The following SLC26A5 variants were observed in gnomAD, a reference collection of about 807,000 sequenced individuals.
The protein encoded by SLC26A5 is solute carrier family 26 member 5.
SLC26A5 carries 51 observed loss-of-function variants against 81.0 expected under a neutral mutation model. The observed-to-expected ratio is 0.63, with a 90% confidence interval of 0.50 to 0.80. The LOEUF (loss-of-function observed/expected upper bound fraction) is 0.80. SLC26A5 is among the 30% of genes least tolerant of loss of function. The pLI is 0.00. For synonymous variants in SLC26A5, 325 were observed against 332.8 expected, an observed-to-expected ratio of 0.98 and a Z score of 0.25; for missense variants, 771 against 905.8, an observed-to-expected ratio of 0.85 and a Z score of 1.91.
chr7:103,421,607 T>A, intron 2 of SLC26A5, 40 bp from the exon 3 acceptor site: 1 of 1,369,532 alleles, frequency 7.3e-7, no homozygotes, highest in Non-Finnish European at 1.0e-6. Flanking sequence ...CTTGCCAAAA[T>A]CCTACTGATG....
intron 2 of SLC26A5, among the ~76,000 whole-genome samples, chr7:103,425,322 G>A (rs1825637552): frequency 6.6e-6 from 1 of 152,190 alleles, no homozygotes; most frequent in East Asian, 1.9e-4. Flanking sequence ...ACTTCCTTAG[G>A]TACTTTTATA....
chr7:103,375,749 C>CT (rs371992920), intron 19 of SLC26A5, among the ~76,000 whole-genome samples: 9,165 of 146,198 alleles, frequency 0.063, 366 homozygotes, highest in African/African-American at 0.12. Context: ...CACTGTTTTA[C>CT]TTTTTTTTTT....
downstream of SLC26A5, among the ~76,000 whole-genome samples, chr7:103,370,783 C>T (rs1352184787): frequency 1.3e-5 from 2 of 152,228 alleles, no homozygotes; most frequent in Non-Finnish European, 1.5e-5. Flanking sequence ...AAACATATTC[C>T]AACGATTCAT....
intron 2 of SLC26A5, among the ~76,000 whole-genome samples, chr7:103,435,258 A>G (rs990184371): frequency 6.6e-6 from 1 of 152,240 alleles, no homozygotes; most frequent in South Asian, 2.1e-4. Flanking sequence ...ATTTTTAAAA[A>G]AGGCGATTTT....
rs780524362 is a variant in SLC26A5, at chr7:103,420,732, A to G, written c.292+6T>C. On this transcript the variant is annotated splice_donor_region_variant and intron_variant, in intron 4 of 19. Transcript: ENST00000306312. ...CAAGGGGGGAAAGAAAGAAAGATCT[A>G]CTGACCTTGAGGAAGCTGAAGCACC... 2 of 1,613,862 alleles carry G rather than the reference A, an allele frequency of 1.2e-6. No homozygotes were observed. Among genetic ancestry groups the G allele is most frequent in the Admixed American group, 3.3e-5 (2 of 60,004 alleles).
intron 19 of SLC26A5, chr7:103,363,245 G>A (rs900532878): frequency 4.4e-6 from 4 of 904,394 alleles, no homozygotes; most frequent in Non-Finnish European, 5.1e-6. Flanking sequence ...ATTCTCACTT[G>A]TGAGTTTTTC....
chr7:103,389,075 C>T lies in SLC26A5; in HGVS notation c.1447G>A (p.Gly483Arg), dbSNP rs1365084148. 6.2e-7 allele frequency: 1 copy of T among 1,613,666 alleles called. No homozygotes were observed. The highest frequency in any genetic ancestry group is 8.5e-7 in the Non-Finnish European group (1 of 1,179,890). Residue 483 changes from glycine to arginine, a missense_variant, in exon 14 of 20, where the codon GGA (glycine) becomes AGA (arginine). Gly to Arg is a moderately radical substitution (Grantham distance 125). Coordinates refer to ENST00000306312, the MANE Select transcript of SLC26A5 (RefSeq NM_198999.3). ...LTTFVSSLFLGLDYGLITAVI... is the reference protein window; with the variant it reads ...LTTFVSSLFLRLDYGLITAVI... ...GCAGTGATCAAACCATAGTCCAATC[C>T]CAGGAACAAGGAGGACACAAAAGTG...
chr7:103,354,309 TC>T (rs1819902580), intron 19 of SLC26A5, among the ~76,000 whole-genome samples: 1 of 152,144 alleles, frequency 6.6e-6, no homozygotes, highest in Admixed American at 6.5e-5. Flanking sequence ...CTGAATTAGT[TC>T]TGAAATGAAG....
At chr7:103,362,542 CTCTCTTTATT>C (rs1820470277) in intron 19 of SLC26A5, 3 of 1,403,524 alleles carry the variant, frequency 2.1e-6, no homozygotes, top group African/African-American at 1.5e-5. Flanking sequence ...AGATTTCATG[CTCTCTTTATT>C]TCTCTTTATA....
intron 14 of SLC26A5, among the ~76,000 whole-genome samples, chr7:103,382,788 T>C (rs755183012): frequency 3.9e-5 from 6 of 152,176 alleles, no homozygotes; most frequent in African/African-American, 9.7e-5. Context: ...ATTATAATAA[T>C]AGTTAACATT....
chr7:103,367,656 T>G lies in SLC26A5; in HGVS notation c.2041+9152A>C, dbSNP rs748448312. On this transcript the variant is annotated intron_variant, in intron 19 of 19. Transcript: ENST00000339444. This position sits in a 1 kb window ranked among gnomAD's most constrained non-coding sequence, Gnocchi z 6.1. ...CATTTTAGGAAAGGGATTTTTGAAGTTTTTTCTTCCTGTGATTTTTTTCCA... is the reference window on the plus strand; with the variant it reads ...CATTTTAGGAAAGGGATTTTTGAAGGTTTTTCTTCCTGTGATTTTTTTCCA... 2.4e-5 allele frequency: 39 copies of G among 1,609,060 alleles called. No homozygotes were observed. Among genetic ancestry groups the G allele is most frequent in the Non-Finnish European group, 3.1e-5 (37 of 1,177,570 alleles).
chr7:103,394,168 G>C (rs190650424), intron 9 of SLC26A5, among the ~76,000 whole-genome samples: 360 of 152,288 alleles, frequency 2.4e-3, no homozygotes, highest in Non-Finnish European at 4.2e-3. Context: ...GTTTCACATC[G>C]TGAAGTAAGG....
At chr7:103,386,370 A>G (rs1822195290) in intron 14 of SLC26A5, among the ~76,000 whole-genome samples, 2 of 152,036 alleles carry the variant, frequency 1.3e-5, no homozygotes, top group Non-Finnish European at 2.9e-5. Flanking sequence ...GGTCGACACC[A>G]TCCTGGCTGA....
intron 2 of SLC26A5, 133 bp from the exon 3 acceptor site, chr7:103,421,700 G>A (rs1445669844): frequency 3.4e-5 from 22 of 641,172 alleles, no homozygotes; most frequent in Non-Finnish European, 6.0e-5. Flanking sequence ...CTAATGTATT[G>A]ATCTGTATAT....
intron 8 of SLC26A5, among the ~76,000 whole-genome samples, chr7:103,407,441 A>G (rs1358575103): frequency 6.6e-6 from 1 of 152,186 alleles, no homozygotes. Context: ...ACTGTGAGGT[A>G]TTTCTTTTGG....
chr7:103,414,384 C>T (rs1272025294), intron 4 of SLC26A5, among the ~76,000 whole-genome samples: 1 of 151,894 alleles, frequency 6.6e-6, no homozygotes, highest in Non-Finnish European at 1.5e-5. Context: ...CCCATGTTTC[C>T]CAGGCTGGTC....
At chr7:103,378,940 C>G (rs970211840) in intron 16 of SLC26A5, among the ~76,000 whole-genome samples, 4 of 151,962 alleles carry the variant, frequency 2.6e-5, no homozygotes, top group Non-Finnish European at 5.9e-5. Flanking sequence ...AATAAGAAAC[C>G]TAAAATTATT....
At chr7:103,355,461 G>A (rs1819979927) in intron 19 of SLC26A5, among the ~76,000 whole-genome samples, 1 of 139,996 alleles carries the variant, frequency 7.1e-6, no homozygotes, top group Non-Finnish European at 1.6e-5. Flanking sequence ...CCCTCCCAGA[G>A]GACACTGGGC....
chr7:103,363,437 C>A, intron 19 of SLC26A5: 1 of 1,605,278 alleles, frequency 6.2e-7, no homozygotes, highest in Non-Finnish European at 8.5e-7. Context: ...CCCATTACTT[C>A]ATGTAAGTAG....
Sources: gnomAD v4.1 joint callset for allele counts (sites outside exome capture counted in the v4.1 genomes callset) on GRCh38, gnomAD v4.1.1 for gene constraint, Gnocchi (gnomAD v3.1) non-coding constraint, MANE v1.5 for transcripts, NCBI Gene and HGNC (gene_info 2026-07-23, HGNC 2026-07-21) for gene names.